Variants in RABGAP1L observed in about 807,000 individuals in gnomAD.
RABGAP1L encodes RAB GTPase activating protein 1 like.
In RABGAP1L, 63 loss-of-function variants were observed where a neutral mutation model predicts 137.7. The ratio of observed to expected loss-of-function variants is 0.46; its 90% CI spans 0.37 to 0.56. The LOEUF (loss-of-function observed/expected upper bound fraction) is 0.56. Among genes scored for constraint, RABGAP1L ranks in the 20% least tolerant of loss-of-function variants. RABGAP1L has a pLI of 0.00. For synonymous variants in RABGAP1L, 431 were observed against 433.7 expected (o/e 0.99, Z 0.08); for missense variants, 1,095 against 1,244.0 (o/e 0.88, Z 1.80).
At chr1:174,161,273 G>T (rs1260692866) in intron 1 of RABGAP1L, among the ~76,000 whole-genome samples, 1 of 150,538 alleles carries the variant, frequency 6.6e-6, no homozygotes, top group Non-Finnish European at 1.5e-5. Flanking sequence ...ACGAAGTTTC[G>T]CTCTTGATGC....
chr1:174,640,971 T>A (rs1461161401), intron 14 of RABGAP1L, among the ~76,000 whole-genome samples: 1 of 101,230 alleles, frequency 9.9e-6, no homozygotes, highest in Non-Finnish European at 1.8e-5. Context: ...TATTTAATTA[T>A]ATTAATTAAA....
chr1:174,176,730 A>AAAAAAAAAAAT (rs1665900107), intron 1 of RABGAP1L, among the ~76,000 whole-genome samples: 1 of 143,264 alleles, frequency 7.0e-6, no homozygotes, highest in African/African-American at 2.6e-5. Context: ...AAAAAAAAAA[A>AAAAAAAAAAAT]AAAAAAAAAA....
chr1:174,889,209 C>T lies in RABGAP1L; in HGVS notation c.2341-68248C>T, dbSNP rs190311327. On this transcript the variant is annotated intron_variant, in intron 19 of 25. Coordinates refer to ENST00000681986, the MANE Select transcript of RABGAP1L (RefSeq NM_001366446.1). Reference sequence around the variant, plus strand: ...CATGATCTCGGCTCACTTCAACCTCCGCCTCCGGGGTTCAAGCCATTCTTC... The same window carrying T: ...CATGATCTCGGCTCACTTCAACCTCTGCCTCCGGGGTTCAAGCCATTCTTC... Among the ~76,000 whole-genome samples, 541 of 151,754 alleles carry T rather than the reference C, an allele frequency of 3.6e-3. 4 individuals carry two copies. The highest frequency in any genetic ancestry group is 0.012 in the African/African-American group (509 of 41,356).
At chr1:174,241,338 C>T (rs562501298) in intron 4 of RABGAP1L, 145 bp from the exon 5 acceptor site, 1 of 528,130 alleles carries the variant, frequency 1.9e-6, no homozygotes, top group Non-Finnish European at 3.0e-6. Context: ...CAAAACAAAA[C>T]AAAAAAGATA....
intron 21 of RABGAP1L, among the ~76,000 whole-genome samples, chr1:174,973,998 T>G (rs1342605183): frequency 7.4e-6 from 1 of 135,252 alleles, no homozygotes; most frequent in African/African-American, 2.7e-5. Context: ...TTTTTTTTTT[T>G]TTTTTTTTGA....
chr1:174,798,422 T>C (rs1688446548), intron 18 of RABGAP1L, among the ~76,000 whole-genome samples: 1 of 151,408 alleles, frequency 6.6e-6, no homozygotes, highest in Non-Finnish European at 1.5e-5. Flanking sequence ...AAAAAAGAAA[T>C]CATTTTTGGA....
chr1:174,628,238 T>C (rs1169843922), intron 13 of RABGAP1L, among the ~76,000 whole-genome samples: 1 of 152,186 alleles, frequency 6.6e-6, no homozygotes, highest in Non-Finnish European at 1.5e-5. Context: ...AAATACATGA[T>C]TGGAAATTAA....
intron 13 of RABGAP1L, among the ~76,000 whole-genome samples, chr1:174,463,731 T>G (rs1287707914): frequency 6.6e-6 from 1 of 151,926 alleles, no homozygotes; most frequent in East Asian, 1.9e-4. Context: ...CAACATCACT[T>G]AGCATTAGAG....
chr1:174,622,691 C>G (rs1192736290), intron 13 of RABGAP1L, among the ~76,000 whole-genome samples: 2 of 152,112 alleles, frequency 1.3e-5, no homozygotes, highest in East Asian at 3.9e-4. Flanking sequence ...ACATCACACT[C>G]CGGGGTCTGT....
intron 15 of RABGAP1L, among the ~76,000 whole-genome samples, chr1:174,693,615 T>A (rs557208144): frequency 2.8e-4 from 42 of 152,352 alleles, no homozygotes; most frequent in Non-Finnish European, 4.1e-4. Flanking sequence ...TTTTATGCAA[T>A]TTGTTTATTT....
chr1:174,581,673 T>G (rs998822789), intron 13 of RABGAP1L, among the ~76,000 whole-genome samples: 10 of 152,232 alleles, frequency 6.6e-5, no homozygotes, highest in Non-Finnish European at 2.9e-5. Context: ...TTGTACGCTT[T>G]AAACGGGTAA....
intron 13 of RABGAP1L, among the ~76,000 whole-genome samples, chr1:174,529,615 C>G (rs981686673): frequency 2.0e-5 from 3 of 152,100 alleles, no homozygotes. Context: ...TGGGCCAATA[C>G]TTGGGCCTCC....
intron 13 of RABGAP1L, among the ~76,000 whole-genome samples, chr1:174,407,853 A>G (rs769711187): frequency 6.6e-6 from 1 of 152,148 alleles, no homozygotes; most frequent in Non-Finnish European, 1.5e-5. Flanking sequence ...AATGAGAAAT[A>G]TGTGAGAACC....
chr1:174,704,982 T>A (rs1008866995), intron 17 of RABGAP1L, among the ~76,000 whole-genome samples: 1 of 152,216 alleles, frequency 6.6e-6, no homozygotes, highest in African/African-American at 2.4e-5. Flanking sequence ...TATTTCATGG[T>A]ATTTCATAAA....
At chr1:174,629,043 A>G (rs73026416) in intron 13 of RABGAP1L, among the ~76,000 whole-genome samples, 2,611 of 152,276 alleles carry the variant, frequency 0.017, 83 homozygotes, top group African/African-American at 0.06. Context: ...GACCACTACA[A>G]TCAGAATAAG....
chr1:174,518,473 T>A (rs1301443987), intron 13 of RABGAP1L, among the ~76,000 whole-genome samples: 1 of 152,200 alleles, frequency 6.6e-6, no homozygotes, highest in Non-Finnish European at 1.5e-5. Context: ...ATTAAGTGTA[T>A]TTTTGTTTGT....
chr1:174,664,287 G>T (rs1487043832), intron 14 of RABGAP1L, among the ~76,000 whole-genome samples: 1 of 152,064 alleles, frequency 6.6e-6, no homozygotes, highest in Non-Finnish European at 1.5e-5. Flanking sequence ...TACACAGTTT[G>T]CACAATTTGT....
intron 2 of RABGAP1L, 88 bp downstream of exon 2, chr1:174,219,383 C>CA: frequency 1.2e-6 from 1 of 863,650 alleles, no homozygotes; most frequent in South Asian, 2.8e-5. Flanking sequence ...AGGTTTTTCT[C>CA]AAGTGCTGAC....
intron 23 of RABGAP1L, among the ~76,000 whole-genome samples, chr1:174,980,905 T>G (rs1671046854): frequency 7.0e-6 from 1 of 142,170 alleles, no homozygotes; most frequent in African/African-American, 2.6e-5. Context: ...AGACAGTTTT[T>G]TTTGTTTTTT....
Sources: allele counts gnomAD v4.1 joint callset (sites outside exome capture counted in the v4.1 genomes callset), GRCh38; gene constraint gnomAD v4.1.1; transcripts MANE v1.5; gene names NCBI Gene and HGNC (gene_info 2026-07-23, HGNC 2026-07-21).